The following LRP2 variants were observed in gnomAD, a reference collection of about 807,000 sequenced individuals.
LRP2 encodes the protein LDL receptor related protein 2.
In LRP2, 172 loss-of-function variants were observed where a neutral mutation model predicts 531.0. The observed-to-expected ratio is 0.32, with a 90% CI of 0.29 to 0.37. The LOEUF (loss-of-function observed/expected upper bound fraction) is 0.37, where lower values mean the gene tolerates loss of function less well. Ranked by LOEUF, LRP2 falls within the 10% of genes least tolerant of loss-of-function variation. LRP2 has a pLI of 1.00. For missense variants in LRP2, 5,167 were observed against 5,868.3 expected, an observed-to-expected ratio of 0.88 and a Z score of 3.90; for synonymous variants, 1,992 against 2,027.6, an observed-to-expected ratio of 0.98 and a Z score of 0.47.
Position 169,256,145 on chromosome 2 carries a change from C to T in LRP2, c.2731G>A (p.Glu911Lys). The change falls in exon 19 of 79, where the codon GAG becomes AAG. Residue 911 changes from glutamate to lysine, a missense_variant. Physicochemically the swap from Glu to Lys is moderately conservative, Grantham distance 56. Transcript: ENST00000649046. ...AGTCCAAACGGATGTGTCATCTGCT[C>T]TATATGGCCCAGTCTTCTTCTGTCT... is the stretch of plus-strand genomic sequence containing the variant. ...GLDRRRLGHI[E>K]QMTHPFGLAI... The T allele has an allele frequency of 6.2e-7, 1 of 1,613,034 alleles. No homozygotes were observed. The highest frequency in any genetic ancestry group is 1.1e-5 in the South Asian group (1 of 91,058).
At chr2:169,236,129 C>A in intron 28 of LRP2, 61 bp from the exon 29 acceptor site, 2 of 1,170,370 alleles carry the variant, frequency 1.7e-6, no homozygotes, top group South Asian at 1.3e-5. Context: ...AAATAACTGT[C>A]ATTTTAAATA....
intron 16 of LRP2, among the ~76,000 whole-genome samples, chr2:169,261,764 T>C (rs1340430668): frequency 6.6e-6 from 1 of 152,084 alleles, no homozygotes; most frequent in African/African-American, 2.4e-5. Flanking sequence ...ATCATCCTGA[T>C]ACCAAAGCCA....
At chr2:169,271,844 G>T in intron 15 of LRP2, 1 of 188,486 alleles carries the variant, frequency 5.3e-6, no homozygotes, top group Non-Finnish European at 9.9e-6. Flanking sequence ...AGTGAAAGCA[G>T]GGAAGGAAGG....
chr2:169,259,000 C>A (rs1362139410), intron 17 of LRP2, 25 bp downstream of exon 17: 17 of 1,609,380 alleles, frequency 1.1e-5, no homozygotes, highest in African/African-American at 1.3e-5. Flanking sequence ...GTTTCAAGCT[C>A]TTAGGAAAAC....
Position 169,326,132 on chromosome 2 carries a change from GCCTCTC to G in LRP2, c.80-5254_80-5249del, listed in dbSNP as rs775827513. Among the ~76,000 whole-genome samples the G allele has an allele frequency of 2.4e-3, 195 of 79,868 alleles. 9 individuals are homozygous for G. Among genetic ancestry groups the G allele is most frequent in the East Asian group, 0.021 (58 of 2,806 alleles). 52.4% of individuals were successfully genotyped at this position (79,868 alleles called of 152,430 possible). On this transcript the variant is annotated intron_variant, in intron 1 of 78. Transcript: ENST00000649046. The stretch of plus-strand genomic sequence containing the variant: ...ATAAGATATGGTCCTTTTTTGCTCT[GCCTCTC>G]CCTCTCCCTCTCCCTCTCCCTCTCC...
chr2:169,265,391 C>T (rs1690759226), intron 16 of LRP2, among the ~76,000 whole-genome samples: 1 of 152,026 alleles, frequency 6.6e-6, no homozygotes, highest in Non-Finnish European at 1.5e-5. Context: ...GTTTTATAAC[C>T]TCACCCTTAA....
At chr2:169,133,696 T>C (rs1215087521) in intron 76 of LRP2, among the ~76,000 whole-genome samples, 13 of 152,204 alleles carry the variant, frequency 8.5e-5, no homozygotes, top group Non-Finnish European at 1.9e-4. Flanking sequence ...AAAGTGGCGC[T>C]GGGGCTATTG....
intron 50 of LRP2, among the ~76,000 whole-genome samples, chr2:169,184,950 C>G (rs754072586): frequency 1.3e-5 from 2 of 152,032 alleles, no homozygotes; most frequent in Non-Finnish European, 2.9e-5. Context: ...TCCTTAGAGA[C>G]AGATTTCGCC....
chr2:169,292,803 A>C (rs1056691984), intron 6 of LRP2, among the ~76,000 whole-genome samples: 1 of 146,124 alleles, frequency 6.8e-6, no homozygotes, highest in African/African-American at 2.5e-5. Flanking sequence ...ACTGCACTCC[A>C]GCCTGGGTGA....
At chr2:169,130,800 T>C (rs903197188) in intron 77 of LRP2, among the ~76,000 whole-genome samples, 3 of 152,196 alleles carry the variant, frequency 2.0e-5, no homozygotes, top group Non-Finnish European at 4.4e-5. Flanking sequence ...TCAGCCTCAC[T>C]AATGTAAAAA....
chr2:169,203,859 A>C (rs1411934835), intron 42 of LRP2, 123 bp downstream of exon 42: 26 of 1,052,822 alleles, frequency 2.5e-5, no homozygotes, highest in Admixed American at 5.8e-5. Flanking sequence ...GGTCTGTTTC[A>C]TAAATTACCC....
intron 4 of LRP2, among the ~76,000 whole-genome samples, chr2:169,299,119 GAAAGAAAGAAAGAA>G (rs1684211218): frequency 1.2e-5 from 1 of 85,436 alleles, no homozygotes; most frequent in Non-Finnish European, 2.5e-5. Context: ...AAGAAAGAAA[GAAAGAAAGAAAGAA>G]AGAAAGAAAG....
rs115146645 is a variant in LRP2 at position 169,209,884 on chromosome 2, C to T, written c.6281-243G>A. Among the ~76,000 whole-genome samples, 243 of 152,122 alleles carry T rather than the reference C, an allele frequency of 1.6e-3. 1 individual carries two copies. The highest frequency in any genetic ancestry group is 5.6e-3 in the African/African-American group (232 of 41,506). ...ATTATAGGTTTAGGCAGGGAAGGTA[C>T]GAAGTGAGTGTGAAACATCTTATTG... On this transcript the variant is annotated intron_variant, in intron 37 of 78. Coordinates refer to ENST00000649046, the MANE Select transcript of LRP2 (RefSeq NM_004525.3).
intron 67 of LRP2, 134 bp from the exon 68 acceptor site, chr2:169,151,160 C>T (rs1686105031): frequency 1.1e-6 from 1 of 935,506 alleles, no homozygotes; most frequent in Non-Finnish European, 1.7e-6. Context: ...GACCATAGTC[C>T]CCCTCTCTTG....
intron 68 of LRP2, among the ~76,000 whole-genome samples, chr2:169,148,419 G>C (rs182574657): frequency 2.6e-5 from 4 of 152,160 alleles, no homozygotes; most frequent in Non-Finnish European, 4.4e-5. Context: ...CCAGTGAATT[G>C]TACACTTTAA....
rs1683523608 is a variant in LRP2, at chr2:169,275,291, T to C, written c.1773-53A>G. On this transcript the variant is annotated intron_variant, in intron 13 of 78. Transcript: ENST00000649046. ...ACAATTTGTTAGTTTTGCTTTATTA[T>C]AATTAAAGCTGTAGTTAGTTCAATT... 2.9e-6 allele frequency: 4 copies of C among 1,397,834 alleles called. No homozygotes were observed. In the African/African-American group the frequency reaches 4.3e-5, roughly 15 times the overall value. 86.6% of individuals were successfully genotyped at this position (1,397,834 alleles called of 1,614,324 possible). A position where few individuals can be genotyped will look rare whatever the true frequency, so the allele number is the denominator to read the frequency against.
chr2:169,279,732 T>G (rs1044346541), intron 11 of LRP2, 137 bp from the exon 12 acceptor site: 1 of 633,344 alleles, frequency 1.6e-6, no homozygotes, highest in African/African-American at 1.8e-5. Context: ...ATGCAAGTTA[T>G]CATTTAAATA....
At chr2:169,162,943 T>C (rs1686644731) in intron 62 of LRP2, among the ~76,000 whole-genome samples, 1 of 152,268 alleles carries the variant, frequency 6.6e-6, no homozygotes, top group Non-Finnish European at 1.5e-5. Context: ...GAGTGCTCAA[T>C]AAGGCTTCAT....
chr2:169,222,265 A>G (rs939056912), intron 33 of LRP2, among the ~76,000 whole-genome samples: 2 of 152,154 alleles, frequency 1.3e-5, no homozygotes, highest in Non-Finnish European at 2.9e-5. Flanking sequence ...ATTTGAGGGA[A>G]ACAGCGCTCT....
Sources: allele counts gnomAD v4.1 joint callset (sites outside exome capture counted in the v4.1 genomes callset), GRCh38; gene constraint gnomAD v4.1.1; transcripts MANE v1.5; gene names NCBI Gene and HGNC (gene_info 2026-07-23, HGNC 2026-07-21).